LHX9: variants seen among roughly 807,000 people sequenced by gnomAD.
LHX9 encodes LIM homeobox 9.
Under a neutral mutation model 36.5 loss-of-function variants are expected in LHX9, and 9 were observed. That is an observed-to-expected ratio of 0.25 (90% CI 0.15 to 0.43). LHX9 has a LOEUF of 0.43. LHX9 is among the 20% of genes least tolerant of loss of function. LHX9 has a pLI of 1.00. For synonymous variants in LHX9, 211 were observed against 212.1 expected (o/e 0.99, Z 0.04); for missense variants, 464 against 526.4 (o/e 0.88, Z 1.16).
intron 2 of LHX9, among the ~76,000 whole-genome samples, 158 bp downstream of exon 2, chr1:197,920,332 G>C (rs1471527154): frequency 7.7e-6 from 1 of 129,172 alleles, no homozygotes; most frequent in African/African-American, 2.9e-5. Flanking sequence ...CCTTCAAGCT[G>C]TAATCTCCCT....
In LHX9 at chr1:197,917,627, TC is replaced by T. The variant is rs1029550719; in HGVS notation, c.-191del. 155 of 1,507,114 alleles carry T rather than the reference TC, an allele frequency of 1.0e-4. No homozygotes were observed. The African/African-American group carries it at 2.1e-3, about 20-fold the overall frequency. The allele number at this position is 1,507,114 out of a possible 1,614,324, so 93.4% of individuals were successfully genotyped here. Reference sequence around the variant, plus strand: ...TCTCCTTCAGGGAGCCGCTGAGGCTTCCCCCCAACTCTTCCCAGTTCTTTTT... The same window carrying T: ...TCTCCTTCAGGGAGCCGCTGAGGCTTCCCCCAACTCTTCCCAGTTCTTTTT... On this transcript the variant is annotated 5_prime_UTR_variant, in exon 1 of 5. Transcript: ENST00000367387.
upstream of LHX9, chr1:197,912,495 C>T (rs1421496512): frequency 6.2e-7 from 1 of 1,613,402 alleles, no homozygotes; most frequent in Admixed American, 1.7e-5. Flanking sequence ...CCAGTGCAAC[C>T]ACCATTACGG....
intron 1 of LHX9, among the ~76,000 whole-genome samples, chr1:197,919,304 G>C (rs1025079105): frequency 1.3e-5 from 2 of 152,222 alleles, no homozygotes; most frequent in African/African-American, 4.8e-5. Flanking sequence ...GTTGATGCTA[G>C]GGAAAGAGGG....
At chr1:197,917,319 A>G (rs1659794017), upstream of LHX9, 1 of 1,253,800 alleles carries the variant, frequency 8.0e-7, no homozygotes, top group Non-Finnish European at 1.0e-6. Context: ...TAAATTATCA[A>G]AAATGGGCTG....
Position 197,919,715 on chromosome 1 carries a change from T to C in LHX9, c.175-257T>C, listed in dbSNP as rs370780399. Among the ~76,000 whole-genome samples, 236 of 152,346 alleles carry C rather than the reference T, an allele frequency of 1.5e-3. 1 individual carries two copies. Among genetic ancestry groups the C allele is most frequent in the African/African-American group, 5.5e-3 (229 of 41,590 alleles). Reference sequence around the variant, plus strand: ...TTTCCTAGTCCTTTTTAAGCGAGGCTCCGGATGGCTGGGATGTCTTTAGGT... The same window carrying C: ...TTTCCTAGTCCTTTTTAAGCGAGGCCCCGGATGGCTGGGATGTCTTTAGGT... On this transcript the variant is annotated intron_variant, in intron 1 of 4. Transcript: ENST00000367387.
chr1:197,917,992 G>T lies in LHX9; in HGVS notation c.169G>T (p.Asp57Tyr), dbSNP rs1659830865. The change falls in exon 1 of 5, where the codon GAC (aspartate) becomes TAC (tyrosine). Residue 57 changes from aspartate to tyrosine, a missense_variant. By Grantham distance (160) the Asp-to-Tyr change is radical. Around this residue, in one of 5 missense-constraint regions of LHX9, gnomAD observed 119 missense variants for 102.4 expected, o/e 1.16. Coordinates refer to ENST00000367387, the MANE Select transcript of LHX9 (RefSeq NM_020204.3). The stretch of plus-strand genomic sequence containing the variant: ...CAAAGGCGCCCAGCTCAACGGCCGC[G>T]ACGCGGTAAGGAAGGGCTCCGCCGC... ...LAKGAQLNGR[D>Y]AGMPPLSPEK... is the part of the protein sequence containing the mutation. The T allele has an allele frequency of 6.2e-7, 1 of 1,612,866 alleles. No homozygotes were observed. Among genetic ancestry groups the T allele is most frequent in the Non-Finnish European group, 8.5e-7 (1 of 1,179,418 alleles).
At position 197,921,854 on chromosome 1, in the gene LHX9, A is replaced by G. The variant is rs188412680; in HGVS notation, c.733+195A>G. Among the ~76,000 whole-genome samples, 2 of 152,288 alleles carry G rather than the reference A, an allele frequency of 1.3e-5. No homozygotes were observed. Among genetic ancestry groups the G allele is most frequent in the African/African-American group, 4.8e-5 (2 of 41,566 alleles). ...GGAAGGGAGGGAGAGGCAGCACTTT[A>G]TTTAGGTTGTGGCAAAAAACACATT... On this transcript the variant is annotated intron_variant, in intron 3 of 4. Transcript: ENST00000367387. The surrounding 1 kb of genome is among the most constrained non-coding windows in gnomAD (Gnocchi z 4.6).
rs758175036 is a variant in LHX9, at chr1:197,929,294, CTCT to C, written c.*40_*42del. 28 of 1,292,960 alleles carry C rather than the reference CTCT, an allele frequency of 2.2e-5. No homozygotes were observed. Among genetic ancestry groups the C allele is most frequent in the Middle Eastern group, 4.0e-4 (2 of 4,960 alleles). The allele number at this position is 1,292,960 out of a possible 1,614,324, so 80.1% of individuals were successfully genotyped here. On this transcript the variant is annotated 3_prime_UTR_variant, in exon 5 of 5. Transcript: ENST00000367387. Reference sequence around the variant, plus strand: ...TTTTTTTTTAGTTTTTAAATTCTTCCTCTTCTTTTTATTATTATTCTAATTATT... The same window carrying C: ...TTTTTTTTTAGTTTTTAAATTCTTCCTCTTTTTATTATTATTCTAATTATT...
intron 1 of LHX9, among the ~76,000 whole-genome samples, chr1:197,918,956 G>C (rs1659879093): frequency 6.6e-6 from 1 of 152,092 alleles, no homozygotes; most frequent in South Asian, 2.1e-4. Context: ...TAGCCCAACT[G>C]GTGAACGTGT....
chr1:197,917,753 C>A lies in LHX9; in HGVS notation c.-71C>A. Reference sequence around the variant, plus strand: ...CTCCATCCTCGAGCGTCTCTGCGCTCCTACAGGGCAGCCCTCTCTGGTCCC... The same window carrying A: ...CTCCATCCTCGAGCGTCTCTGCGCTACTACAGGGCAGCCCTCTCTGGTCCC... On this transcript the variant is annotated 5_prime_UTR_variant, in exon 1 of 5. Coordinates refer to ENST00000367387, the MANE Select transcript of LHX9 (RefSeq NM_020204.3). The A allele has an allele frequency of 6.2e-7, 1 of 1,609,536 alleles. No individual in the cohort carries two copies. Among genetic ancestry groups the A allele is most frequent in the South Asian group, 1.1e-5 (1 of 90,266 alleles).
chr1:197,931,702 A>G lies in LHX9; in HGVS notation c.*2443A>G. ...TTTGAATATATTTGCTTATAACAAA[A>G]GTAATGCCCCACTGATTTGACTCAG... is the stretch of plus-strand genomic sequence containing the variant. On this transcript the variant is annotated 3_prime_UTR_variant, in exon 5 of 5. Coordinates refer to ENST00000367387, the MANE Select transcript of LHX9 (RefSeq NM_020204.3). 1 of 436,730 alleles carries G rather than the reference A, an allele frequency of 2.3e-6. No homozygotes were observed. The highest frequency in any genetic ancestry group is 2.0e-5 in the African/African-American group (1 of 50,750). 27.1% of individuals were successfully genotyped at this position (436,730 alleles called of 1,614,324 possible). A position where few individuals can be genotyped will look rare whatever the true frequency, so the allele number is the denominator to read the frequency against.
chr1:197,918,520 G>A (rs1286517112), intron 1 of LHX9: 1 of 622,546 alleles, frequency 1.6e-6, no homozygotes, highest in Non-Finnish European at 2.9e-6. Context: ...ACCCCTAACC[G>A]AGAGAATCTC....
chr1:197,921,385 C>T lies in LHX9; in HGVS notation c.459C>T (p.Val153=). ...TGGTCATGCGCGCCCGAGACTCTGT[C>T]TACCACCTGAGCTGCTTCACCTGCT... ...SEMVMRARDS[V]YHLSCFTCST... Residue 153 remains valine (V), a synonymous_variant, in exon 3 of 5, where the codon GTC becomes GTT. Transcript: ENST00000367387. The surrounding 1 kb of genome is among the most constrained non-coding windows in gnomAD (Gnocchi z 4.6). 9.9e-6 allele frequency: 16 copies of T among 1,614,228 alleles called. No homozygotes were observed. Among genetic ancestry groups the T allele is most frequent in the Non-Finnish European group, 1.4e-5 (16 of 1,180,050 alleles).
At chr1:197,918,774 G>T (rs1306302440) in intron 1 of LHX9, 1 of 121,996 alleles carries the variant, frequency 8.2e-6, no homozygotes, top group Non-Finnish European at 1.6e-5. Context: ...TTATCTAAGC[G>T]CTTCCCTTTC....
chr1:197,921,393 T>C lies in LHX9; in HGVS notation c.467T>C (p.Leu156Pro). 6.2e-7 allele frequency: 1 copy of C among 1,614,188 alleles called. No homozygotes were observed. Among genetic ancestry groups the C allele is most frequent in the Non-Finnish European group, 8.5e-7 (1 of 1,180,038 alleles). Residue 156 changes from leucine (L) to proline (P), a missense_variant, in exon 3 of 5, where the codon CTG becomes CCG. Physicochemically the swap from Leu to Pro is moderately conservative, Grantham distance 98. This residue lies in a region of LHX9 where 93 missense variants were observed against 150.3 expected (regional missense o/e 0.62). Transcript: ENST00000367387. This position sits in a 1 kb window ranked among gnomAD's most constrained non-coding sequence, Gnocchi z 4.6. ...CGCGCCCGAGACTCTGTCTACCACCTGAGCTGCTTCACCTGCTCCACTTGC... is the reference window on the plus strand; with the variant it reads ...CGCGCCCGAGACTCTGTCTACCACCCGAGCTGCTTCACCTGCTCCACTTGC... ...VMRARDSVYH[L>P]SCFTCSTCNK...
intron 1 of LHX9, chr1:197,918,443 C>T (rs567014148): frequency 7.0e-6 from 5 of 713,926 alleles, no homozygotes; most frequent in African/African-American, 7.0e-5. Flanking sequence ...GCCTGATGAC[C>T]GGACCTGTGG....
intron 2 of LHX9, 83 bp downstream of exon 2, chr1:197,920,257 C>T (rs1052467293): frequency 3.7e-6 from 5 of 1,363,542 alleles, no homozygotes; most frequent in East Asian, 2.3e-5. Flanking sequence ...CTCTCCGTCC[C>T]CTACCTTTTG....
chr1:197,915,726 G>T (rs187245288), upstream of LHX9: 1 of 152,204 alleles, frequency 6.6e-6, no homozygotes, highest in African/African-American at 2.4e-5. Flanking sequence ...CATGGAAGAG[G>T]TCACTCCAGG....
rs780635107 is a variant in LHX9, at chr1:197,921,263, C to A, written c.378-41C>A. The A allele has an allele frequency of 1.9e-6, 3 of 1,560,852 alleles. No homozygotes were observed. The highest frequency in any genetic ancestry group is 2.6e-6 in the Non-Finnish European group (3 of 1,147,346). Reference sequence around the variant, plus strand: ...TGTCGCGGGTGGGATATGGCTCTGCCTTGCTTCAACTAGCGCCCTGACTCA... The same window carrying A: ...TGTCGCGGGTGGGATATGGCTCTGCATTGCTTCAACTAGCGCCCTGACTCA... On this transcript the variant is annotated intron_variant, in intron 2 of 4. Transcript: ENST00000367387. The surrounding 1 kb of genome is among the most constrained non-coding windows in gnomAD (Gnocchi z 4.6).
Sources: allele counts gnomAD v4.1 joint callset (sites outside exome capture counted in the v4.1 genomes callset), GRCh38; gene constraint gnomAD v4.1.1; regional missense constraint gnomAD v4.1.1; non-coding constraint Gnocchi (gnomAD v3.1); transcripts MANE v1.5; gene names NCBI Gene and HGNC (gene_info 2026-07-23, HGNC 2026-07-21).